PMFBP1: variants seen among roughly 807,000 people sequenced by gnomAD.
The protein encoded by PMFBP1 is polyamine-modulated factor 1-binding protein 1.
A neutral mutation model predicts 137.8 loss-of-function variants in PMFBP1; 131 were observed. The observed-to-expected ratio is 0.95, with a 90% CI of 0.82 to 1.10. The LOEUF is 1.10. PMFBP1 is among the 50% of genes least tolerant of loss of function. PMFBP1 has a pLI of 0.00. For missense variants in PMFBP1, 1,199 were observed against 1,175.4 expected, an observed-to-expected ratio of 1.02 and a Z score of -0.29; for synonymous variants, 490 against 450.4, an observed-to-expected ratio of 1.09 and a Z score of -1.11.
upstream of PMFBP1, among the ~76,000 whole-genome samples, chr16:72,180,472 C>T (rs1567647304): frequency 2.0e-5 from 3 of 152,264 alleles, no homozygotes; most frequent in Middle Eastern, 3.4e-3. Flanking sequence ...GTGGAGCTAT[C>T]GACCACATTG....
the PMFBP1 span, among the ~76,000 whole-genome samples, chr16:72,183,549 T>G: frequency 6.6e-6 from 1 of 152,174 alleles, no homozygotes; most frequent in African/African-American, 2.4e-5. Flanking sequence ...AGGACACCAG[T>G]CATATTGGAT....
At chr16:72,170,484 C>T (rs116109238) in intron 2 of PMFBP1, among the ~76,000 whole-genome samples, 533 of 152,252 alleles carry the variant, frequency 3.5e-3, no homozygotes, top group African/African-American at 0.012. Flanking sequence ...GGCTGGAATG[C>T]ACTGGTGTGA....
chr16:72,196,019 G>C, the PMFBP1 span, among the ~76,000 whole-genome samples: 1 of 148,376 alleles, frequency 6.7e-6, no homozygotes, highest in Non-Finnish European at 1.5e-5. Flanking sequence ...GTGTGTGTGT[G>C]TGTGTGTGTG....
the PMFBP1 span, among the ~76,000 whole-genome samples, chr16:72,223,062 T>A: frequency 6.6e-6 from 1 of 152,128 alleles, no homozygotes; most frequent in Admixed American, 6.6e-5. Flanking sequence ...ATGAATATGC[T>A]ACCCCAGGCT....
chr16:72,137,454 G>C (rs571811774), intron 7 of PMFBP1, among the ~76,000 whole-genome samples: 3 of 152,186 alleles, frequency 2.0e-5, no homozygotes, highest in Admixed American at 1.3e-4. Flanking sequence ...GGGCATGGGC[G>C]GGGGAGGCGC....
intron 16 of PMFBP1, 106 bp from the exon 17 acceptor site, chr16:72,125,040 G>A: frequency 6.9e-7 from 1 of 1,448,980 alleles, no homozygotes; most frequent in Non-Finnish European, 9.4e-7. Flanking sequence ...CGTGTTGGGG[G>A]TATTTTCTTC....
chr16:72,127,474 T>A (rs1290355126), intron 14 of PMFBP1, among the ~76,000 whole-genome samples: 3 of 152,204 alleles, frequency 2.0e-5, no homozygotes, highest in Admixed American at 2.0e-4. Context: ...TGATAAATGA[T>A]GGCTGAACTG....
chr16:72,130,486 C>A, intron 11 of PMFBP1, 47 bp downstream of exon 11: 2 of 1,610,892 alleles, frequency 1.2e-6, no homozygotes, highest in Non-Finnish European at 1.7e-6. Flanking sequence ...CCGGCTGGGT[C>A]AAGAGTGACA....
intron 10 of PMFBP1, among the ~76,000 whole-genome samples, chr16:72,132,186 T>A (rs112028444): frequency 5.3e-5 from 8 of 152,242 alleles, no homozygotes; most frequent in African/African-American, 1.9e-4. Flanking sequence ...GTTTTTTGGA[T>A]AATCACAAAG....
chr16:72,247,877 G>A, the PMFBP1 span, among the ~76,000 whole-genome samples: 1 of 152,142 alleles, frequency 6.6e-6, no homozygotes, highest in Non-Finnish European at 1.5e-5. Flanking sequence ...GAACACACAA[G>A]GAGGACACTT....
At chr16:72,199,474 TG>T in the PMFBP1 span, among the ~76,000 whole-genome samples, 1 of 151,964 alleles carries the variant, frequency 6.6e-6, no homozygotes, top group African/African-American at 2.4e-5. Context: ...GCTAACATGG[TG>T]AAACCCTGTC....
Position 72,119,924 on chromosome 16 carries a change from G to C in PMFBP1, c.2934C>G (p.Gly978=). The change falls in exon 20 of 21, where the codon GGC becomes GGG. Residue 978 remains glycine, a synonymous_variant. Transcript: ENST00000237353. ...TQREKVCGTL[G]WKGLPQDMGQ... ...CCATATCCTGGGGCAACCCCTTCCAGCCCAAGGTGCCGCACACTTTCTCCC... is the reference window on the plus strand; with the variant it reads ...CCATATCCTGGGGCAACCCCTTCCACCCCAAGGTGCCGCACACTTTCTCCC... 3 of 1,614,210 alleles carry C rather than the reference G, an allele frequency of 1.9e-6. No homozygotes were observed. The highest frequency in any genetic ancestry group is 8.5e-7 in the Non-Finnish European group (1 of 1,180,040).
upstream of PMFBP1, among the ~76,000 whole-genome samples, chr16:72,177,080 T>C (rs1173370295): frequency 1.3e-5 from 2 of 152,218 alleles, no homozygotes; most frequent in East Asian, 1.9e-4. Flanking sequence ...ATTACTCCCA[T>C]GCCATTTTGG....
rs750469082 is a variant in PMFBP1, at chr16:72,129,131, G to A, written c.1885C>T (p.His629Tyr). 5 of 1,614,202 alleles carry A rather than the reference G, an allele frequency of 3.1e-6. No homozygotes were observed. The highest frequency in any genetic ancestry group is 4.5e-5 in the East Asian group (2 of 44,882). ...KREQLKKSKE[H>Y]EKLMEGELEA... ...AGTTCTCCCTCCATCAGCTTCTCAT[G>A]CTCTTTGCTCTTCTTCAACTGCTCC... The change falls in exon 13 of 21, where the codon CAT becomes TAT. Residue 629 changes from histidine (H) to tyrosine (Y), a missense_variant. By Grantham distance (83) the His-to-Tyr change is moderately conservative (BLOSUM62 2). Coordinates refer to ENST00000237353, the MANE Select transcript of PMFBP1 (RefSeq NM_031293.3).
At chr16:72,203,814 C>A in the PMFBP1 span, among the ~76,000 whole-genome samples, 8 of 152,162 alleles carry the variant, frequency 5.3e-5, no homozygotes, top group Non-Finnish European at 1.2e-4. Flanking sequence ...GAGTGAATTC[C>A]CTATGACTTC....
At chr16:72,149,550 C>T (rs767353366) in intron 5 of PMFBP1, among the ~76,000 whole-genome samples, 9 of 152,228 alleles carry the variant, frequency 5.9e-5, no homozygotes, top group East Asian at 3.9e-4. Context: ...AGGCTGGGCA[C>T]GGTGGCTCAC....
chr16:72,149,790 C>T (rs1187535451), intron 5 of PMFBP1, among the ~76,000 whole-genome samples: 1 of 147,726 alleles, frequency 6.8e-6, no homozygotes, highest in Non-Finnish European at 1.5e-5. Context: ...ACCACTATCT[C>T]AAAAAAAAAA....
chr16:72,196,730 G>A, the PMFBP1 span, among the ~76,000 whole-genome samples: 1 of 152,020 alleles, frequency 6.6e-6, no homozygotes, highest in South Asian at 2.1e-4. Flanking sequence ...GAATCTCCAG[G>A]ACCACAACCA....
the PMFBP1 span, among the ~76,000 whole-genome samples, chr16:72,191,473 A>C: frequency 2.0e-4 from 30 of 152,370 alleles, 2 homozygotes; most frequent in Admixed American, 1.0e-3. Flanking sequence ...ATTTCCAGTA[A>C]TGCTACAACC....
Sources: gnomAD v4.1 joint callset for allele counts (sites outside exome capture counted in the v4.1 genomes callset) on GRCh38, gnomAD v4.1.1 for gene constraint, MANE v1.5 for transcripts, NCBI Gene and HGNC (gene_info 2026-07-23, HGNC 2026-07-21) for gene names.